OR8G1: variants seen among roughly 807,000 people sequenced by gnomAD.
OR8G1 encodes the protein olfactory receptor family 8 subfamily G member 1.
For synonymous variants in OR8G1, 129 were observed against 133.3 expected (o/e 0.97, Z 0.22); for missense variants, 372 against 356.2 (o/e 1.04, Z -0.36).
At chr11:124,244,975 A>G (rs911980649) in intron 1 of OR8G1, among the ~76,000 whole-genome samples, 4 of 149,454 alleles carry the variant, frequency 2.7e-5, no homozygotes. Context: ...TAAATTATGA[A>G]TAGGAAAACT....
Position 124,246,323 on chromosome 11 carries a change from C to T in OR8G1, c.-96-1478C>T, listed in dbSNP as rs991386082. On this transcript the variant is annotated intron_variant, in intron 1 of 2. Coordinates refer to ENST00000641972, the MANE Select transcript of OR8G1 (RefSeq NM_001002905.2). ...TTGATGCTAGCTTATTGCTATTTTA[C>T]GTGATACTATTTTTAAATTTGTATT... Among the ~76,000 whole-genome samples the T allele has an allele frequency of 3.3e-5, 5 of 151,854 alleles. No homozygotes were observed. The South Asian group carries it at 8.3e-4, about 25-fold the overall frequency.
intron 1 of OR8G1, among the ~76,000 whole-genome samples, chr11:124,246,742 T>C (rs1192335375): frequency 6.6e-5 from 10 of 151,696 alleles, no homozygotes; most frequent in Non-Finnish European, 2.9e-5. Context: ...TGTACTGAAA[T>C]ATTTACAAAA....
rs979175500 is a variant in OR8G1 at position 124,253,673 on chromosome 11, TTCTA to T, written c.*3067_*3070del. On this transcript the variant is annotated 3_prime_UTR_variant, in exon 3 of 3. Transcript: ENST00000641972. ...TATACAATAGTTTTTAACTTATTCC[TTCTA>T]TCTAATTAAAATATTATATCCTTTG... The T allele has an allele frequency of 6.6e-6, 1 of 152,088 alleles. No homozygotes were observed. The highest frequency in any genetic ancestry group is 1.5e-5 in the Non-Finnish European group (1 of 68,020). The allele number at this position is 152,088 out of a possible 1,614,324, so 9.4% of individuals were successfully genotyped here. A position where few individuals can be genotyped will look rare whatever the true frequency, so the allele number is the denominator to read the frequency against.
At chr11:124,248,587 T>C (rs180857066) in intron 2 of OR8G1, among the ~76,000 whole-genome samples, 72 of 152,170 alleles carry the variant, frequency 4.7e-4, no homozygotes, top group African/African-American at 1.7e-3. Context: ...GTAATTTAAC[T>C]CTAAGCCATT....
rs1861887588 is a variant in OR8G1, at chr11:124,254,023, T to C, written c.*3412T>C. On this transcript the variant is annotated 3_prime_UTR_variant, in exon 3 of 3. Coordinates refer to ENST00000641972, the MANE Select transcript of OR8G1 (RefSeq NM_001002905.2). ...AAACATGGGAGTGCAGATATTTCTT[T>C]GACGTGCTGATTGTATTTTTTGAAT... 1 of 152,222 alleles carries C rather than the reference T, an allele frequency of 6.6e-6. No individual in the cohort carries two copies. The highest frequency in any genetic ancestry group is 1.5e-5 in the Non-Finnish European group (1 of 68,020). 9.4% of individuals were successfully genotyped at this position (152,222 alleles called of 1,614,324 possible). A position where few individuals can be genotyped will look rare whatever the true frequency, so the allele number is the denominator to read the frequency against.
chr11:124,249,122 T>C (rs1344686531), intron 2 of OR8G1, among the ~76,000 whole-genome samples: 1 of 152,154 alleles, frequency 6.6e-6, no homozygotes, highest in East Asian at 1.9e-4. Flanking sequence ...CAGCTCGTGT[T>C]AAATTTATAC....
intron 1 of OR8G1, among the ~76,000 whole-genome samples, chr11:124,246,795 G>T (rs904950762): frequency 6.7e-6 from 1 of 150,262 alleles, no homozygotes; most frequent in African/African-American, 2.4e-5. Context: ...AATTTGCAAT[G>T]ATTTACATAA....
Position 124,250,379 on chromosome 11 carries a change from C to T in OR8G1, c.704C>T (p.Ser235Phe), listed in dbSNP as rs756830557. The T allele has an allele frequency of 7.4e-6, 12 of 1,613,666 alleles. No homozygotes were observed. In the Admixed American group the frequency reaches 1.3e-4, roughly 18 times the overall value. ...CACATTCGCTCCACTGAGGGCAGGT[C>T]CAAAGCCTTCAGCACTTGTAGCTCC... ...ILHIRSTEGR[S>F]KAFSTCSSHM... Residue 235 changes from serine (S) to phenylalanine (F), a missense_variant, in exon 3 of 3, where the codon TCC becomes TTC. By Grantham distance (155) the Ser-to-Phe change is radical (BLOSUM62 -2). Coordinates refer to ENST00000641972, the MANE Select transcript of OR8G1 (RefSeq NM_001002905.2).
chr11:124,241,292 G>A lies in OR8G1; in HGVS notation c.-169G>A, dbSNP rs1479364711. 2 of 152,032 alleles carry A rather than the reference G, an allele frequency of 1.3e-5. No individual in the cohort carries two copies. The highest frequency in any genetic ancestry group is 2.9e-5 in the Non-Finnish European group (2 of 68,010). The allele number at this position is 152,032 out of a possible 1,614,324, so 9.4% of individuals were successfully genotyped here. A position where few individuals can be genotyped will look rare whatever the true frequency, so the allele number is the denominator to read the frequency against. On this transcript the variant is annotated 5_prime_UTR_variant, in exon 1 of 3. Transcript: ENST00000641972. ...CCATGTCAGGAAGAGAACATTCCAA[G>A]CCAACATTCTCCATGTCAGGAAGAG...
intron 1 of OR8G1, among the ~76,000 whole-genome samples, chr11:124,241,674 T>A (rs1390884117): frequency 6.6e-6 from 1 of 152,124 alleles, no homozygotes; most frequent in African/African-American, 2.4e-5. Context: ...AATATTTACA[T>A]GATGACTTCA....
intron 2 of OR8G1, among the ~76,000 whole-genome samples, chr11:124,249,349 T>C (rs561036604): frequency 3.3e-5 from 5 of 152,230 alleles, no homozygotes; most frequent in Non-Finnish European, 7.4e-5. Flanking sequence ...AACTCATTTA[T>C]ATTGGCTTAT....
At chr11:124,242,417 A>G (rs1056487543) in intron 1 of OR8G1, among the ~76,000 whole-genome samples, 7 of 152,084 alleles carry the variant, frequency 4.6e-5, no homozygotes, top group Non-Finnish European at 1.5e-5. Context: ...AGATGGTCAT[A>G]TTAATATGGC....
At position 124,252,462 on chromosome 11, in the gene OR8G1, A is replaced by G. The variant is rs1228680288; in HGVS notation, c.*1851A>G. On this transcript the variant is annotated 3_prime_UTR_variant, in exon 3 of 3. Coordinates refer to ENST00000641972, the MANE Select transcript of OR8G1 (RefSeq NM_001002905.2). ...GAAACTCAATCTGCATTACTTTTCC[A>G]TATCATCCTTATGTTCTCTTTCAGA... 2.0e-5 allele frequency: 3 copies of G among 152,172 alleles called. No individual in the cohort carries two copies. The highest frequency in any genetic ancestry group is 6.5e-5 in the Admixed American group (1 of 15,276). 9.4% of individuals were successfully genotyped at this position (152,172 alleles called of 1,614,324 possible).
At chr11:124,249,556 G>T (rs762473275) in intron 2 of OR8G1, 104 bp from the exon 3 acceptor site, 1 of 1,093,352 alleles carries the variant, frequency 9.1e-7, no homozygotes, top group Non-Finnish European at 1.3e-6. Context: ...ACTCAAAGGG[G>T]ATACCTAAAG....
rs1211491508 is a variant in OR8G1, at chr11:124,252,299, A to G, written c.*1688A>G. 6.6e-6 allele frequency: 1 copy of G among 152,150 alleles called. No individual in the cohort carries two copies. Among genetic ancestry groups the G allele is most frequent in the Non-Finnish European group, 1.5e-5 (1 of 68,026 alleles). The allele number at this position is 152,150 out of a possible 1,614,324, so 9.4% of individuals were successfully genotyped here. ...CAAGTTAAATGATTTCTTTAAGCTT[A>G]TTTACTTATTACTTATTTGCTATTA... On this transcript the variant is annotated 3_prime_UTR_variant, in exon 3 of 3. Transcript: ENST00000641972.
intron 1 of OR8G1, among the ~76,000 whole-genome samples, chr11:124,246,833 A>C (rs1026547381): frequency 6.9e-6 from 1 of 145,298 alleles, no homozygotes; most frequent in Non-Finnish European, 1.5e-5. Flanking sequence ...GATTACAATG[A>C]AATTACAATA....
intron 1 of OR8G1, among the ~76,000 whole-genome samples, chr11:124,244,209 A>C (rs1591390900): frequency 6.6e-6 from 1 of 151,918 alleles, no homozygotes; most frequent in East Asian, 1.9e-4. Flanking sequence ...CTAGAAACAA[A>C]ATGTTTACTG....
intron 1 of OR8G1, among the ~76,000 whole-genome samples, chr11:124,244,570 G>A (rs893903193): frequency 6.7e-6 from 1 of 148,188 alleles, no homozygotes; most frequent in Admixed American, 6.7e-5. Flanking sequence ...CTGAAACATT[G>A]GCTATGACAA....
chr11:124,241,673 A>G (rs1030622771), intron 1 of OR8G1, among the ~76,000 whole-genome samples: 6 of 152,144 alleles, frequency 3.9e-5, no homozygotes, highest in African/African-American at 1.2e-4. Flanking sequence ...CAATATTTAC[A>G]TGATGACTTC....
Sources: gnomAD v4.1 joint callset for allele counts (sites outside exome capture counted in the v4.1 genomes callset) on GRCh38, gnomAD v4.1.1 for gene constraint, MANE v1.5 for transcripts, NCBI Gene and HGNC (gene_info 2026-07-23, HGNC 2026-07-21) for gene names.